The following HS2ST1 variants were observed in gnomAD, a reference collection of about 807,000 sequenced individuals.
The protein encoded by HS2ST1 is heparan sulfate 2-O-sulfotransferase 1, also known as 2-O-sulfotransferase.
HS2ST1 carries 18 observed loss-of-function variants against 42.9 expected under a neutral mutation model. The observed-to-expected ratio is 0.42, with a 90% CI of 0.29 to 0.62. The LOEUF (loss-of-function observed/expected upper bound fraction) is 0.62. Among genes scored for constraint, HS2ST1 ranks in the 20% least tolerant of loss-of-function variants. The pLI is 0.21. For synonymous variants in HS2ST1, 146 were observed against 152.9 expected (o/e 0.95, Z 0.33); for missense variants, 334 against 433.8 (o/e 0.77, Z 2.04).
At chr1:87,100,571 C>T (rs1375964961) in intron 5 of HS2ST1, among the ~76,000 whole-genome samples, 1 of 152,188 alleles carries the variant, frequency 6.6e-6, no homozygotes, top group East Asian at 1.9e-4. Flanking sequence ...GTCATGCTAA[C>T]CTCCTTAATA....
At chr1:86,918,383 T>C (rs1660213635) in intron 1 of HS2ST1, among the ~76,000 whole-genome samples, 1 of 152,182 alleles carries the variant, frequency 6.6e-6, no homozygotes, top group Non-Finnish European at 1.5e-5. Flanking sequence ...TAATAATAGC[T>C]GTATAATATT....
At chr1:86,920,308 A>G (rs1298734085) in intron 1 of HS2ST1, among the ~76,000 whole-genome samples, 1 of 152,234 alleles carries the variant, frequency 6.6e-6, no homozygotes, top group Non-Finnish European at 1.5e-5. Context: ...TCCAGGGCCA[A>G]GGTTGAGACT....
In HS2ST1 at chr1:86,920,084, C is replaced by T. The variant is rs182860994; in HGVS notation, c.124+4924C>T. ...ATATTTTCTCACATAAGTGATAGAA[C>T]TATGTGCTTGGTAACTTTATTTTCT... is the stretch of plus-strand genomic sequence containing the variant. On this transcript the variant is annotated intron_variant, in intron 1 of 6. Coordinates refer to ENST00000370550, the MANE Select transcript of HS2ST1 (RefSeq NM_012262.4). Among the ~76,000 whole-genome samples, 1,197 of 152,278 alleles carry T rather than the reference C, an allele frequency of 7.9e-3. 9 individuals are homozygous for T. The highest frequency in any genetic ancestry group is 0.014 in the Non-Finnish European group (938 of 68,032).
intron 3 of HS2ST1, among the ~76,000 whole-genome samples, chr1:87,090,732 C>T (rs1241624274): frequency 6.6e-6 from 1 of 151,870 alleles, no homozygotes; most frequent in African/African-American, 2.4e-5. Flanking sequence ...TATAGAAGAC[C>T]CACACAGTCT....
intron 1 of HS2ST1, among the ~76,000 whole-genome samples, chr1:86,978,393 A>G (rs1227374183): frequency 6.6e-6 from 1 of 152,350 alleles, no homozygotes; most frequent in East Asian, 1.9e-4. Context: ...ATTCAGATAT[A>G]TCTCTGCTAG....
chr1:87,028,605 G>A (rs1193530184), intron 1 of HS2ST1, among the ~76,000 whole-genome samples: 1 of 152,096 alleles, frequency 6.6e-6, no homozygotes, highest in East Asian at 1.9e-4. Context: ...ATTAGAAAGT[G>A]GATTAAAACC....
chr1:86,962,869 T>C (rs998943285), intron 1 of HS2ST1, among the ~76,000 whole-genome samples: 28 of 152,242 alleles, frequency 1.8e-4, no homozygotes, highest in African/African-American at 6.0e-4. Flanking sequence ...TGAAGTCATA[T>C]ATCCATTGCC....
intron 1 of HS2ST1, among the ~76,000 whole-genome samples, chr1:86,963,481 G>A (rs1647917170): frequency 1.3e-5 from 2 of 152,206 alleles, no homozygotes; most frequent in African/African-American, 4.8e-5. Flanking sequence ...TGTGGGTAAG[G>A]TCATAGATCA....
intron 1 of HS2ST1, among the ~76,000 whole-genome samples, chr1:86,954,574 G>C (rs1456396480): frequency 6.6e-6 from 1 of 152,158 alleles, no homozygotes. Context: ...TCAGTAACCA[G>C]TGTGAATTTT....
chr1:87,065,575 CCCTTG>C (rs1480399589), intron 1 of HS2ST1, among the ~76,000 whole-genome samples: 1 of 152,188 alleles, frequency 6.6e-6, no homozygotes, highest in Admixed American at 6.5e-5. Flanking sequence ...GTCATAGACC[CCCTTG>C]CCTGTGGTTG....
chr1:86,991,674 A>T lies in HS2ST1; in HGVS notation c.124+76514A>T, dbSNP rs543129747. Among the ~76,000 whole-genome samples the T allele has an allele frequency of 6.6e-5, 10 of 152,326 alleles. No homozygotes were observed. The East Asian group carries it at 1.9e-3, about 29-fold the overall frequency. On this transcript the variant is annotated intron_variant, in intron 1 of 6. Coordinates refer to ENST00000370550, the MANE Select transcript of HS2ST1 (RefSeq NM_012262.4). ...ACTAAGCTTATATCTCAAGTATGCC[A>T]CTTCCTTTGGTAAGAAGCTTAAACT...
At chr1:87,102,729 T>G (rs1434716188) in intron 5 of HS2ST1, among the ~76,000 whole-genome samples, 1 of 152,190 alleles carries the variant, frequency 6.6e-6, no homozygotes, top group African/African-American at 2.4e-5. Flanking sequence ...TAGAAACCAA[T>G]TAATCACTGT....
rs1047640637 is a variant in HS2ST1 at position 87,107,579 on chromosome 1, A to G, written c.*2883A>G. The G allele has an allele frequency of 4.0e-5, 6 of 151,758 alleles. No individual in the cohort carries two copies. Among genetic ancestry groups the G allele is most frequent in the Admixed American group, 1.3e-4 (2 of 15,218 alleles). The allele number at this position is 151,758 out of a possible 1,614,324, so 9.4% of individuals were successfully genotyped here. On this transcript the variant is annotated 3_prime_UTR_variant, in exon 7 of 7. Transcript: ENST00000370550. ...GACCATAGGGAGATAATTTTTTTAT[A>G]ATACAAAAGTAACCACTTGGAATTT...
chr1:86,918,856 TTTTA>T (rs1178985239), intron 1 of HS2ST1, among the ~76,000 whole-genome samples: 1 of 151,796 alleles, frequency 6.6e-6, no homozygotes, highest in Admixed American at 6.5e-5. Context: ...TTTATTGCCC[TTTTA>T]TTTGTTACTT....
chr1:86,966,382 C>T (rs1207058826), intron 1 of HS2ST1, among the ~76,000 whole-genome samples: 1 of 152,132 alleles, frequency 6.6e-6, no homozygotes, highest in East Asian at 1.9e-4. Flanking sequence ...TGATAGCCAC[C>T]TGAATTCTGA....
intron 1 of HS2ST1, among the ~76,000 whole-genome samples, chr1:86,946,805 C>T (rs775058976): frequency 2.0e-5 from 3 of 152,160 alleles, no homozygotes; most frequent in Non-Finnish European, 4.4e-5. Context: ...CCACTGTTCA[C>T]TAACAAAAGA....
At chr1:87,087,440 A>G (rs946771121) in intron 3 of HS2ST1, among the ~76,000 whole-genome samples, 1 of 151,436 alleles carries the variant, frequency 6.6e-6, no homozygotes, top group Non-Finnish European at 1.5e-5. Flanking sequence ...TGTCCCTAGA[A>G]ATGAGAATGA....
At chr1:86,920,392 G>T (rs2102152477) in intron 1 of HS2ST1, among the ~76,000 whole-genome samples, 1 of 152,298 alleles carries the variant, frequency 6.6e-6, no homozygotes, top group Non-Finnish European at 1.5e-5. Flanking sequence ...ATGTTCCAGA[G>T]AATGCTAGAT....
At chr1:86,940,321 C>G (rs998153866) in intron 1 of HS2ST1, among the ~76,000 whole-genome samples, 5 of 152,174 alleles carry the variant, frequency 3.3e-5, no homozygotes, top group African/African-American at 1.2e-4. Flanking sequence ...CTGCAGTGAG[C>G]TATGGTCTCG....
Sources: allele counts gnomAD v4.1 joint callset (sites outside exome capture counted in the v4.1 genomes callset), GRCh38; gene constraint gnomAD v4.1.1; transcripts MANE v1.5; gene names NCBI Gene and HGNC (gene_info 2026-07-23, HGNC 2026-07-21).